The following LSAMP variants were observed in gnomAD, a reference collection of about 807,000 sequenced individuals.
LSAMP encodes the protein limbic system-associated membrane protein.
In LSAMP, 7 loss-of-function variants were observed where a neutral mutation model predicts 38.6. The ratio of observed to expected loss-of-function variants is 0.18; its 90% CI spans 0.10 to 0.34. The LOEUF is 0.34. LSAMP is among the 10% of genes least tolerant of loss of function. LSAMP has a pLI of 1.00. For synonymous variants in LSAMP, 154 were observed against 166.8 expected (o/e 0.92, Z 0.59); for missense variants, 313 against 420.0 (o/e 0.75, Z 2.23).
intron 5 of LSAMP, 102 bp downstream of exon 5, chr3:115,842,356 C>A: frequency 7.0e-7 from 1 of 1,420,442 alleles, no homozygotes; most frequent in Non-Finnish European, 9.5e-7. Flanking sequence ...GAATATAGTT[C>A]TACATAATTA....
chr3:115,898,617 A>ATCTATATATC (rs1936790039), intron 3 of LSAMP, among the ~76,000 whole-genome samples: 1 of 149,840 alleles, frequency 6.7e-6, no homozygotes, highest in Admixed American at 6.6e-5. Flanking sequence ...ATATATATAT[A>ATCTATATATC]TATATATGCA....
intron 1 of LSAMP, among the ~76,000 whole-genome samples, chr3:116,109,941 G>T (rs1020567849): frequency 1.2e-4 from 18 of 149,766 alleles, no homozygotes; most frequent in African/African-American, 4.3e-4. Flanking sequence ...TAAGGGATTG[G>T]GGCACAGAGA....
intron 1 of LSAMP, among the ~76,000 whole-genome samples, chr3:116,114,141 C>A (rs908838943): frequency 1.3e-5 from 2 of 152,224 alleles, no homozygotes; most frequent in Non-Finnish European, 2.9e-5. Context: ...ATGTCTCAAT[C>A]CTTCCTCATC....
chr3:115,917,812 A>G (rs577859029), intron 3 of LSAMP, among the ~76,000 whole-genome samples: 2 of 152,272 alleles, frequency 1.3e-5, no homozygotes, highest in South Asian at 4.1e-4. Context: ...ATTATAAAAC[A>G]CTTTATTGAG....
intron 3 of LSAMP, among the ~76,000 whole-genome samples, chr3:116,017,578 G>A (rs1266491035): frequency 6.6e-6 from 1 of 152,010 alleles, no homozygotes; most frequent in Non-Finnish European, 1.5e-5. Context: ...AATTTTTAAT[G>A]TGTAATTTAT....
At position 116,073,193 on chromosome 3, in the gene LSAMP, G is replaced by C. The variant is rs149745621; in HGVS notation, c.388+13131C>G. On this transcript the variant is annotated intron_variant, in intron 2 of 6. Coordinates refer to ENST00000490035, the MANE Select transcript of LSAMP (RefSeq NM_002338.5). ...TTTCTCCATTGCTTGTTTTTGTCAGGTTTGTCAAAGATCAGATGGTTGTAG... is the reference window on the plus strand; with the variant it reads ...TTTCTCCATTGCTTGTTTTTGTCAGCTTTGTCAAAGATCAGATGGTTGTAG... 4.8e-4 allele frequency among the ~76,000 whole-genome samples: 73 copies of C among 152,206 alleles called. 1 individual carries two copies. In the East Asian group the frequency reaches 0.013, roughly 27 times the overall value.
chr3:116,158,091 C>T (rs763487211), intron 1 of LSAMP, among the ~76,000 whole-genome samples: 14 of 151,826 alleles, frequency 9.2e-5, no homozygotes, highest in Non-Finnish European at 1.6e-4. Flanking sequence ...AAAAACAGAA[C>T]GAAAACAACA....
intron 1 of LSAMP, among the ~76,000 whole-genome samples, chr3:116,295,803 A>G (rs1301013105): frequency 1.5e-5 from 2 of 132,800 alleles, no homozygotes; most frequent in Admixed American, 1.6e-4. Flanking sequence ...TTATGTAAAT[A>G]GATGCATAAA....
chr3:115,817,122 T>C (rs1934055718), intron 6 of LSAMP, among the ~76,000 whole-genome samples: 1 of 152,222 alleles, frequency 6.6e-6, no homozygotes, highest in Non-Finnish European at 1.5e-5. Flanking sequence ...GCTTGGAATA[T>C]TCTTCCCCTA....
At chr3:116,300,011 G>A (rs1258284901) in intron 1 of LSAMP, among the ~76,000 whole-genome samples, 2 of 152,146 alleles carry the variant, frequency 1.3e-5, no homozygotes, top group Admixed American at 6.5e-5. Flanking sequence ...TCTGTTAACC[G>A]TGTCGCCTGA....
At chr3:116,306,812 G>T (rs895995300) in intron 1 of LSAMP, among the ~76,000 whole-genome samples, 12 of 152,038 alleles carry the variant, frequency 7.9e-5, no homozygotes, top group Non-Finnish European at 1.8e-4. Flanking sequence ...GCAATAAAGG[G>T]GTATAACTAT....
intron 3 of LSAMP, among the ~76,000 whole-genome samples, chr3:115,945,639 T>C (rs1157456949): frequency 1.3e-5 from 2 of 152,148 alleles, no homozygotes; most frequent in Non-Finnish European, 2.9e-5. Flanking sequence ...TATCTTGTCA[T>C]CAATTTTTCT....
At chr3:116,230,581 T>C (rs1235936561) in intron 1 of LSAMP, among the ~76,000 whole-genome samples, 1 of 152,166 alleles carries the variant, frequency 6.6e-6, no homozygotes, top group Admixed American at 6.5e-5. Context: ...ATAGGCTATG[T>C]CACCTTCAAT....
chr3:116,137,679 C>A (rs1278784590), intron 1 of LSAMP, among the ~76,000 whole-genome samples: 1 of 152,064 alleles, frequency 6.6e-6, no homozygotes, highest in Non-Finnish European at 1.5e-5. Flanking sequence ...GATTGATCTT[C>A]ATTAGAGTTT....
chr3:116,213,413 GCTC>G (rs1432191937), intron 1 of LSAMP, among the ~76,000 whole-genome samples: 1 of 152,148 alleles, frequency 6.6e-6, no homozygotes, highest in East Asian at 1.9e-4. Context: ...GATATGACTT[GCTC>G]CTCCTAGCCT....
chr3:116,313,275 G>T (rs544531635), intron 1 of LSAMP, among the ~76,000 whole-genome samples: 1 of 152,176 alleles, frequency 6.6e-6, no homozygotes, highest in Non-Finnish European at 1.5e-5. Context: ...GTGCCCTTCT[G>T]CTGATGAAAC....
chr3:116,275,203 C>T (rs1292315464), intron 1 of LSAMP, among the ~76,000 whole-genome samples: 1 of 151,990 alleles, frequency 6.6e-6, no homozygotes, highest in Non-Finnish European at 1.5e-5. Flanking sequence ...CAGGTATGCA[C>T]CATCATGCCT....
chr3:116,016,748 G>T (rs1037510292), intron 3 of LSAMP, among the ~76,000 whole-genome samples: 2 of 152,146 alleles, frequency 1.3e-5, no homozygotes, highest in African/African-American at 2.4e-5. Flanking sequence ...TGTGTACATT[G>T]AAATTTGAAT....
chr3:115,919,602 A>G (rs770614381), intron 3 of LSAMP, among the ~76,000 whole-genome samples: 4 of 152,032 alleles, frequency 2.6e-5, no homozygotes, highest in African/African-American at 4.8e-5. Flanking sequence ...AAACTGTGAC[A>G]AAACAGGTTA....
Sources: gnomAD v4.1 joint callset for allele counts (sites outside exome capture counted in the v4.1 genomes callset) on GRCh38, gnomAD v4.1.1 for gene constraint, MANE v1.5 for transcripts, NCBI Gene and HGNC (gene_info 2026-07-23, HGNC 2026-07-21) for gene names.